GNG4: variants seen among roughly 807,000 people sequenced by gnomAD.
GNG4 encodes the protein G protein subunit gamma 4, also known as guanine nucleotide-binding protein G(I)/G(S)/G(O) subunit gamma-4.
In GNG4, 4 loss-of-function variants were observed where a neutral mutation model predicts 5.8. The observed-to-expected ratio is 0.69, with a 90% confidence interval of 0.34 to 1.57. The LOEUF is 1.57. Among genes scored for constraint, GNG4 ranks in the 40% most tolerant of loss-of-function variants. The probability of loss-of-function intolerance (pLI) is 0.06; values close to 1 mark genes in which losing one functional copy is unlikely to be tolerated. For synonymous variants in GNG4, 29 were observed against 32.9 expected (o/e 0.88, Z 0.41); for missense variants, 96 against 95.1 (o/e 1.01, Z -0.04).
chr1:235,580,732 C>A (rs1312588783), intron 3 of GNG4, among the ~76,000 whole-genome samples: 1 of 142,778 alleles, frequency 7.0e-6, no homozygotes, highest in Non-Finnish European at 1.5e-5. Context: ...ACATGGCGGC[C>A]TATCCCGTTT....
intron 1 of GNG4, among the ~76,000 whole-genome samples, chr1:235,641,211 A>C (rs1343793170): frequency 2.0e-5 from 3 of 150,052 alleles, no homozygotes; most frequent in Non-Finnish European, 4.4e-5. Flanking sequence ...CATAGTGAGA[A>C]CCCATCTCTA....
At chr1:235,593,008 G>C (rs1274087428) in intron 2 of GNG4, among the ~76,000 whole-genome samples, 1 of 150,846 alleles carries the variant, frequency 6.6e-6, no homozygotes, top group Admixed American at 6.6e-5. Context: ...GAGTGCAGTG[G>C]TGCAATCTCT....
chr1:235,588,204 C>A (rs568481891), intron 2 of GNG4, among the ~76,000 whole-genome samples: 1 of 152,102 alleles, frequency 6.6e-6, no homozygotes, highest in Admixed American at 6.5e-5. Context: ...GTCCCACCAG[C>A]GCACTGTGCT....
chr1:235,611,344 T>C (rs1419620846), intron 1 of GNG4, among the ~76,000 whole-genome samples: 1 of 152,100 alleles, frequency 6.6e-6, no homozygotes, highest in African/African-American at 2.4e-5. Context: ...ATTTTTATTA[T>C]TTTTTACTTT....
chr1:235,594,666 G>A (rs921108213), intron 2 of GNG4, among the ~76,000 whole-genome samples: 2 of 152,184 alleles, frequency 1.3e-5, no homozygotes, highest in Non-Finnish European at 2.9e-5. Flanking sequence ...CTTGCGGGCC[G>A]GCCGCTCCCA....
intron 3 of GNG4, among the ~76,000 whole-genome samples, chr1:235,576,668 T>C (rs924479106): frequency 6.6e-6 from 1 of 152,192 alleles, no homozygotes; most frequent in Non-Finnish European, 1.5e-5. Context: ...AATGCTTTGA[T>C]GTGCTTCTAG....
intron 1 of GNG4, among the ~76,000 whole-genome samples, chr1:235,632,455 A>G (rs73122539): frequency 0.053 from 7,998 of 152,296 alleles, 676 homozygotes; most frequent in African/African-American, 0.18. Context: ...GAAATGAATT[A>G]GAAAATTCTG....
chr1:235,615,161 T>A (rs188417600), intron 1 of GNG4: 2 of 152,246 alleles, frequency 1.3e-5, no homozygotes, highest in East Asian at 3.9e-4. Context: ...ACCATTATCA[T>A]GGATTATCCT....
At chr1:235,616,512 TAC>T in intron 1 of GNG4, 1 of 198,848 alleles carries the variant, frequency 5.0e-6, no homozygotes, top group Admixed American at 6.1e-5. Flanking sequence ...ATGAAAAACT[TAC>T]ACAGATTGTA....
intron 3 of GNG4, among the ~76,000 whole-genome samples, chr1:235,564,777 C>A (rs1045782612): frequency 1.3e-5 from 2 of 152,178 alleles, no homozygotes; most frequent in African/African-American, 4.8e-5. Context: ...CCTCTGCCTC[C>A]CGGGTTCAAG....
chr1:235,566,267 G>A (rs1421141804), intron 3 of GNG4: 1 of 154,708 alleles, frequency 6.5e-6, no homozygotes. Context: ...TTAGGAAGCA[G>A]GCTGCACAGC....
intron 3 of GNG4, among the ~76,000 whole-genome samples, chr1:235,558,720 T>C (rs1320834501): frequency 6.6e-6 from 1 of 152,202 alleles, no homozygotes; most frequent in Non-Finnish European, 1.5e-5. Context: ...TGGTAGAAAA[T>C]TGCAAATTCC....
At chr1:235,579,275 G>A (rs561235952) in intron 3 of GNG4, among the ~76,000 whole-genome samples, 2 of 152,090 alleles carry the variant, frequency 1.3e-5, no homozygotes, top group African/African-American at 4.8e-5. Context: ...TAAATGGCTT[G>A]ACTTAGCCAT....
chr1:235,630,126 T>C (rs888638491), intron 1 of GNG4, among the ~76,000 whole-genome samples: 2 of 152,230 alleles, frequency 1.3e-5, no homozygotes, highest in African/African-American at 4.8e-5. Flanking sequence ...GGATTAGAGT[T>C]GGTGAGTAGA....
At position 235,592,435 on chromosome 1, in the gene GNG4, T is replaced by C. The variant is rs532167919; in HGVS notation, c.-11+2965A>G. ...GAGGCAGGAGAATTGCTTGAACCTGTGAGGCACAGGTTGCAGTGAGCCAAG... is the reference window on the plus strand; with the variant it reads ...GAGGCAGGAGAATTGCTTGAACCTGCGAGGCACAGGTTGCAGTGAGCCAAG... On this transcript the variant is annotated intron_variant, in intron 2 of 3. Coordinates refer to ENST00000391854, the MANE Select transcript of GNG4 (RefSeq NM_001098722.2). Among the ~76,000 whole-genome samples, 4 of 152,210 alleles carry C rather than the reference T, an allele frequency of 2.6e-5. No individual in the cohort carries two copies. The South Asian group carries it at 8.3e-4, about 32-fold the overall frequency.
At chr1:235,581,183 G>T (rs1437303091) in intron 3 of GNG4, among the ~76,000 whole-genome samples, 1 of 152,092 alleles carries the variant, frequency 6.6e-6, no homozygotes, top group African/African-American at 2.4e-5. Context: ...TTGGACATGG[G>T]GGTGGTTTCT....
chr1:235,622,873 CAA>C lies in GNG4; in HGVS notation c.-123+26787_-123+26788del, dbSNP rs59428350. On this transcript the variant is annotated intron_variant, in intron 1 of 3. Transcript: ENST00000391854. ...CTGGTGACAGAGTAAGACTCCATCT[CAA>C]AAAAAAAAAAAAAAAATAGCCAGGC... 5.3e-3 allele frequency among the ~76,000 whole-genome samples: 356 copies of C among 66,618 alleles called. 7 individuals carry two copies. The highest frequency in any genetic ancestry group is 0.028 in the African/African-American group (321 of 11,640). 43.7% of individuals were successfully genotyped at this position (66,618 alleles called of 152,430 possible). A position where few individuals can be genotyped will look rare whatever the true frequency, so the allele number is the denominator to read the frequency against.
chr1:235,588,590 GGA>G (rs1231584603), intron 2 of GNG4, among the ~76,000 whole-genome samples: 1 of 151,818 alleles, frequency 6.6e-6, no homozygotes. Context: ...CAGCGCTGCT[GGA>G]GAGACCCCCC....
At chr1:235,600,669 C>T (rs1688240667) in intron 1 of GNG4, among the ~76,000 whole-genome samples, 1 of 152,120 alleles carries the variant, frequency 6.6e-6, no homozygotes, top group Admixed American at 6.5e-5. Flanking sequence ...AGGATCCTCC[C>T]ACCTTGGCAT....
Sources: allele counts gnomAD v4.1 joint callset (sites outside exome capture counted in the v4.1 genomes callset), GRCh38; gene constraint gnomAD v4.1.1; transcripts MANE v1.5; gene names NCBI Gene and HGNC (gene_info 2026-07-23, HGNC 2026-07-21).